Variants in STT3B observed in about 807,000 individuals in gnomAD.
The protein encoded by STT3B is STT3 oligosaccharyltransferase complex catalytic subunit B.
In STT3B, 29 loss-of-function variants were observed where a neutral mutation model predicts 96.8. The ratio of observed to expected loss-of-function variants is 0.30; its 90% CI spans 0.22 to 0.41. The LOEUF (loss-of-function observed/expected upper bound fraction) is 0.41. STT3B is among the 10% of genes least tolerant of loss of function. STT3B has a pLI of 1.00. For missense variants in STT3B, 640 were observed against 1,022.3 expected, an observed-to-expected ratio of 0.63 and a Z score of 5.10; for synonymous variants, 367 against 360.0, an observed-to-expected ratio of 1.02 and a Z score of -0.22.
chr3:31,546,301 C>G (rs1296780033), intron 1 of STT3B, among the ~76,000 whole-genome samples: 3 of 151,808 alleles, frequency 2.0e-5, no homozygotes, highest in African/African-American at 7.3e-5. Flanking sequence ...ATTGTAGTCA[C>G]CTGGAGGCTC....
chr3:31,633,154 GC>G lies in STT3B; in HGVS notation c.2400+9del. The G allele has an allele frequency of 6.2e-7, 1 of 1,612,088 alleles. No homozygotes were observed. Among genetic ancestry groups the G allele is most frequent in the Non-Finnish European group, 8.5e-7 (1 of 1,179,080 alleles). On this transcript the variant is annotated splice_region_variant and intron_variant, in intron 15 of 15. Coordinates refer to ENST00000295770, the MANE Select transcript of STT3B (RefSeq NM_178862.3). ...GAAGTATTTGTCAAAGAAGGTGGGT[GC>G]CAAGTGAAGGCATTAAAGGGTAACT...
chr3:31,572,022 A>C (rs886297238), intron 1 of STT3B, among the ~76,000 whole-genome samples: 11 of 40,360 alleles, frequency 2.7e-4, no homozygotes, highest in African/African-American at 4.1e-4. Context: ...AAACATATTA[A>C]TATATATTAA....
chr3:31,581,386 A>G (rs79119846), intron 3 of STT3B, among the ~76,000 whole-genome samples: 7,689 of 152,240 alleles, frequency 0.051, 674 homozygotes, highest in African/African-American at 0.17. Context: ...TATTCTCTAC[A>G]CTTGTGTATG....
intron 1 of STT3B, among the ~76,000 whole-genome samples, chr3:31,535,511 G>T (rs1697068026): frequency 6.6e-6 from 1 of 152,048 alleles, no homozygotes; most frequent in South Asian, 2.1e-4. Context: ...ATCACCTGAG[G>T]TCAGGAGTTC....
At chr3:31,599,232 T>G (rs959716419) in intron 4 of STT3B, among the ~76,000 whole-genome samples, 2 of 152,184 alleles carry the variant, frequency 1.3e-5, no homozygotes, top group Non-Finnish European at 2.9e-5. Flanking sequence ...TTAATGACAA[T>G]TTGAGCTAAT....
At chr3:31,582,023 A>G (rs552311658) in intron 3 of STT3B, among the ~76,000 whole-genome samples, 11 of 152,242 alleles carry the variant, frequency 7.2e-5, no homozygotes, top group East Asian at 3.9e-4. Context: ...CTTGTTCCCT[A>G]TGGAATCAGT....
At chr3:31,571,888 A>G (rs1048639360) in intron 1 of STT3B, among the ~76,000 whole-genome samples, 5 of 149,476 alleles carry the variant, frequency 3.3e-5, no homozygotes, top group African/African-American at 7.3e-5. Flanking sequence ...ATGATATGTT[A>G]TAAATTTAGG....
chr3:31,541,785 C>T (rs1697278899), intron 1 of STT3B, among the ~76,000 whole-genome samples: 1 of 151,990 alleles, frequency 6.6e-6, no homozygotes, highest in South Asian at 2.1e-4. Flanking sequence ...ACCGTGTTAG[C>T]CAGGATGGTC....
At chr3:31,535,286 T>C (rs968782126) in intron 1 of STT3B, among the ~76,000 whole-genome samples, 3 of 151,886 alleles carry the variant, frequency 2.0e-5, no homozygotes, top group Admixed American at 2.0e-4. Context: ...ATGAAAAGGC[T>C]CAACAAGTAA....
At chr3:31,547,437 G>A (rs553940413) in intron 1 of STT3B, among the ~76,000 whole-genome samples, 8 of 152,274 alleles carry the variant, frequency 5.3e-5, no homozygotes, top group African/African-American at 1.9e-4. Context: ...TTGAGGTCAG[G>A]AGTTCGAGAC....
intron 5 of STT3B, among the ~76,000 whole-genome samples, chr3:31,602,540 A>T (rs1698952426): frequency 6.6e-6 from 1 of 152,210 alleles, no homozygotes; most frequent in East Asian, 1.9e-4. Context: ...AAATGGTCAG[A>T]TGGAAGTATA....
At chr3:31,572,401 A>G (rs1466712277) in intron 1 of STT3B, among the ~76,000 whole-genome samples, 5 of 151,690 alleles carry the variant, frequency 3.3e-5, no homozygotes, top group African/African-American at 4.8e-5. Flanking sequence ...AAATTTTTGC[A>G]ATTTTGTGAA....
intron 3 of STT3B, among the ~76,000 whole-genome samples, chr3:31,594,117 T>TG (rs1279388448): frequency 3.3e-5 from 5 of 152,224 alleles, no homozygotes; most frequent in Non-Finnish European, 5.9e-5. Flanking sequence ...ACTTATTGTC[T>TG]GGGAAAAAAC....
chr3:31,628,831 G>A (rs1559393363), intron 13 of STT3B, among the ~76,000 whole-genome samples: 1 of 152,182 alleles, frequency 6.6e-6, no homozygotes. Context: ...AATTATGAAA[G>A]TGGCTATGTG....
intron 1 of STT3B, among the ~76,000 whole-genome samples, chr3:31,547,584 T>C (rs1306273272): frequency 2.6e-5 from 4 of 152,180 alleles, no homozygotes; most frequent in African/African-American, 9.7e-5. Flanking sequence ...AGGCGGAAGT[T>C]GCAGTGAGCT....
intron 1 of STT3B, 21 bp from the exon 2 acceptor site, chr3:31,576,375 C>CT (rs748783733): frequency 1.4e-6 from 2 of 1,431,018 alleles, no homozygotes; most frequent in Non-Finnish European, 1.9e-6. Flanking sequence ...TATAACATTT[C>CT]TTTTTATCTC....
chr3:31,586,442 G>C (rs1163820666), intron 3 of STT3B, among the ~76,000 whole-genome samples: 1 of 151,554 alleles, frequency 6.6e-6, no homozygotes, highest in Non-Finnish European at 1.5e-5. Context: ...TCTTGCTCTT[G>C]GTATCTTCTC....
chr3:31,545,520 A>C (rs1019610832), intron 1 of STT3B, among the ~76,000 whole-genome samples: 1 of 152,184 alleles, frequency 6.6e-6, no homozygotes, highest in African/African-American at 2.4e-5. Flanking sequence ...GTCATATTCT[A>C]TATATAATTA....
chr3:31,557,208 T>C (rs1178053974), intron 1 of STT3B, among the ~76,000 whole-genome samples: 1 of 152,196 alleles, frequency 6.6e-6, no homozygotes, highest in Admixed American at 6.5e-5. Flanking sequence ...TATGTGGATT[T>C]ACTTTTGGAT....
Sources: gnomAD v4.1 joint callset for allele counts (sites outside exome capture counted in the v4.1 genomes callset) on GRCh38, gnomAD v4.1.1 for gene constraint, MANE v1.5 for transcripts, NCBI Gene and HGNC (gene_info 2026-07-23, HGNC 2026-07-21) for gene names.